Variants in RAG1 observed in about 807,000 individuals in gnomAD.
RAG1 encodes the protein recombination activating 1.
Under a neutral mutation model 62.7 loss-of-function variants are expected in RAG1, and 35 were observed. The observed-to-expected ratio is 0.56, with a 90% CI of 0.43 to 0.74. The LOEUF is 0.74. Ranked by LOEUF, RAG1 falls within the 30% of genes least tolerant of loss-of-function variation. The probability of loss-of-function intolerance (pLI) is 0.00; values close to 1 mark genes in which losing one functional copy is unlikely to be tolerated. For missense variants in RAG1, 1,169 were observed against 1,278.6 expected (o/e 0.91, Z 1.31); for synonymous variants, 461 against 470.3 (o/e 0.98, Z 0.26).
upstream of RAG1, among the ~76,000 whole-genome samples, chr11:36,564,235 G>C (rs1296107947): frequency 6.6e-6 from 1 of 152,214 alleles, no homozygotes; most frequent in Non-Finnish European, 1.5e-5. Context: ...AAGACAATGA[G>C]AATGGAGTTC....
chr11:36,525,888 A>G (rs770758720), intron 2 of RAG1, among the ~76,000 whole-genome samples: 10 of 152,002 alleles, frequency 6.6e-5, no homozygotes, highest in Admixed American at 3.3e-4. Context: ...TATGCTTTTC[A>G]TTTCCTTTTC....
chr11:36,529,678 C>T (rs1246036217), intron 2 of RAG1, among the ~76,000 whole-genome samples: 3 of 151,996 alleles, frequency 2.0e-5, no homozygotes, highest in African/African-American at 7.2e-5. Flanking sequence ...AAAGGGCATT[C>T]AATTAGGAAA....
Position 36,574,639 on chromosome 11 carries a change from G to A in RAG1, c.1335G>A (p.Arg445=). Residue 445 remains arginine (R), a synonymous_variant, in exon 2 of 2, where the codon AGG becomes AGA. Coordinates refer to ENST00000299440, the MANE Select transcript of RAG1 (RefSeq NM_000448.3). The stretch of plus-strand genomic sequence containing the variant: ...TGTTCCTGCTGGCTCTGAGGGCGAG[G>A]AATGAGCACAGGCAAGCTGATGAGC... ...MTLFLLALRA[R]NEHRQADELE... is the part of the protein sequence containing the mutation. 1 of 1,614,210 alleles carries A rather than the reference G, an allele frequency of 6.2e-7. No homozygotes were observed. Among genetic ancestry groups the A allele is most frequent in the Admixed American group, 1.7e-5 (1 of 60,030 alleles).
intron 3 of RAG1, among the ~76,000 whole-genome samples, chr11:36,559,499 C>A (rs1156996910): frequency 6.6e-6 from 1 of 152,166 alleles, no homozygotes; most frequent in African/African-American, 2.4e-5. Flanking sequence ...CATAATTAAA[C>A]ATTAGTTCAC....
At chr11:36,523,047 A>C (rs1291740131) in intron 2 of RAG1, among the ~76,000 whole-genome samples, 1 of 152,118 alleles carries the variant, frequency 6.6e-6, no homozygotes, top group Non-Finnish European at 1.5e-5. Context: ...GAGACTTTGG[A>C]CTGTGGACTT....
intron 1 of RAG1, among the ~76,000 whole-genome samples, chr11:36,511,792 T>C (rs1859926727): frequency 6.6e-6 from 1 of 152,096 alleles, no homozygotes; most frequent in Non-Finnish European, 1.5e-5. Flanking sequence ...TTATATGAAA[T>C]TGAGAGCTGG....
intron 1 of RAG1, among the ~76,000 whole-genome samples, chr11:36,518,588 C>T (rs1020729287): frequency 6.6e-6 from 1 of 152,170 alleles, no homozygotes; most frequent in Non-Finnish European, 1.5e-5. Context: ...TCTCTGATGG[C>T]CAGTGATGAT....
intron 3 of RAG1, among the ~76,000 whole-genome samples, chr11:36,562,007 G>T (rs767473173): frequency 6.6e-6 from 1 of 152,232 alleles, no homozygotes; most frequent in Non-Finnish European, 1.5e-5. Context: ...CTGCGGGTAA[G>T]TGGGAGAAAA....
At chr11:36,571,538 C>A (rs1307268328) in intron 1 of RAG1, among the ~76,000 whole-genome samples, 2 of 152,106 alleles carry the variant, frequency 1.3e-5, no homozygotes, top group Non-Finnish European at 2.9e-5. Flanking sequence ...CTTGCATAGT[C>A]CTGCATAGGG....
intron 1 of RAG1, among the ~76,000 whole-genome samples, chr11:36,514,487 A>G (rs1220748026): frequency 6.6e-6 from 1 of 152,200 alleles, no homozygotes; most frequent in Non-Finnish European, 1.5e-5. Context: ...ATTCAAGTGC[A>G]TTACATTTAT....
At position 36,576,180 on chromosome 11, in the gene RAG1, G is replaced by A. The variant is rs1266972632; in HGVS notation, c.2876G>A (p.Trp959Ter). The A allele has an allele frequency of 5.6e-6, 9 of 1,614,114 alleles. No homozygotes were observed. In the South Asian group the frequency reaches 6.6e-5, roughly 12 times the overall value. ...IIERDGSIGAWASEGNESGNK... is the reference protein window; with the variant it reads ...IIERDGSIGA ...GAGAGGGATGGCTCCATTGGGGCATGGGCAAGTGAGGGAAATGAGTCTGGT... is the reference window on the plus strand; with the variant it reads ...GAGAGGGATGGCTCCATTGGGGCATAGGCAAGTGAGGGAAATGAGTCTGGT... The change falls in exon 2 of 2, where the codon TGG (tryptophan) becomes TAG (stop). Residue 959 changes from tryptophan to a stop codon, truncating the protein, a stop_gained. Coordinates refer to ENST00000299440, the MANE Select transcript of RAG1 (RefSeq NM_000448.3). LOFTEE classifies it high-confidence loss of function.
intron 1 of RAG1, among the ~76,000 whole-genome samples, chr11:36,514,693 C>T (rs1469800900): frequency 6.6e-6 from 1 of 152,202 alleles, no homozygotes. Context: ...AGATCCCTCA[C>T]ATGTGCAGTT....
At chr11:36,523,346 C>A (rs1860110570) in intron 2 of RAG1, among the ~76,000 whole-genome samples, 1 of 152,170 alleles carries the variant, frequency 6.6e-6, no homozygotes. Flanking sequence ...AGTTTCCCTG[C>A]ACATGTTCTC....
In RAG1 at chr11:36,522,396, A is replaced by G. The variant is rs187537423; in HGVS notation, n.428+2167A>G. ...CAAGCCCCAAGCCTTGGCAACTTCC[A>G]TGTGGTGTTGAGCCTGCGAGTGCCC... On this transcript the variant is annotated intron_variant and non_coding_transcript_variant, in intron 2 of 2. Coordinates refer to the RAG1 transcript ENST00000529126. 2.2e-3 allele frequency among the ~76,000 whole-genome samples: 342 copies of G among 152,312 alleles called. 2 individuals carry two copies. Among genetic ancestry groups the G allele is most frequent in the Non-Finnish European group, 3.9e-3 (267 of 68,026 alleles).
At chr11:36,541,635 C>T (rs181256554) in intron 3 of RAG1, among the ~76,000 whole-genome samples, 1 of 152,112 alleles carries the variant, frequency 6.6e-6, no homozygotes, top group South Asian at 2.1e-4. Context: ...TAGGCCCTTG[C>T]TTGGATAGCC....
upstream of RAG1, among the ~76,000 whole-genome samples, chr11:36,563,816 T>C (rs1018335471): frequency 3.3e-5 from 5 of 152,202 alleles, no homozygotes; most frequent in South Asian, 4.1e-4. Flanking sequence ...TGAGGCAAAC[T>C]GGGCAGTTGC....
intron 3 of RAG1, among the ~76,000 whole-genome samples, chr11:36,547,783 G>A (rs969796349): frequency 1.3e-5 from 2 of 152,128 alleles, no homozygotes; most frequent in African/African-American, 4.8e-5. Context: ...TATGAGGCTA[G>A]CATCATTCTG....
chr11:36,575,278 G>A lies in RAG1; in HGVS notation c.1974G>A (p.Leu658=), dbSNP rs1481299078. The A allele has an allele frequency of 5.0e-6, 8 of 1,614,096 alleles. No homozygotes were observed. The highest frequency in any genetic ancestry group is 6.8e-6 in the Non-Finnish European group (8 of 1,180,054). The change falls in exon 2 of 2, where the codon TTG becomes TTA. Residue 658 remains leucine (L), a synonymous_variant. Transcript: ENST00000299440. The surrounding 1 kb of genome is among the most constrained non-coding windows in gnomAD (Gnocchi z 4.1). The part of the protein sequence containing the change: ...KPNSELCCKP[L]CLMLADESDH... ...ACTCTGAACTGTGTTGCAAGCCATT[G>A]TGCCTTATGCTGGCAGATGAGTCTG...
chr11:36,550,547 T>C (rs558398509), intron 3 of RAG1, among the ~76,000 whole-genome samples: 1 of 152,150 alleles, frequency 6.6e-6, no homozygotes, highest in South Asian at 2.1e-4. Context: ...GGACTTATGG[T>C]TTTGAGGGTT....
Sources: gnomAD v4.1 joint callset for allele counts (sites outside exome capture counted in the v4.1 genomes callset) on GRCh38, gnomAD v4.1.1 for gene constraint, Gnocchi (gnomAD v3.1) non-coding constraint, MANE v1.5 for transcripts, NCBI Gene and HGNC (gene_info 2026-07-23, HGNC 2026-07-21) for gene names.